ZP3: variants seen among roughly 807,000 people sequenced by gnomAD.
The protein encoded by ZP3 is zona pellucida sperm-binding protein 3.
Under a neutral mutation model 35.6 loss-of-function variants are expected in ZP3, and 21 were observed. The ratio of observed to expected loss-of-function variants is 0.59; its 90% confidence interval spans 0.42 to 0.85. The LOEUF is 0.85. ZP3 is among the 40% of genes least tolerant of loss of function. The pLI is 0.00. For synonymous variants in ZP3, 207 were observed against 214.5 expected (o/e 0.96, Z 0.31); for missense variants, 437 against 536.5 (o/e 0.81, Z 1.83).
exon 1 of ZP3, chr7:76,397,690 G>T (rs776622196): frequency 6.8e-6 from 11 of 1,613,270 alleles, no homozygotes; most frequent in Admixed American, 6.7e-5. Flanking sequence ...TGGCCGCCCC[G>T]CAGCCCAGCT....
chr7:76,416,064 A>T (rs569415327), intron 1 of ZP3, among the ~76,000 whole-genome samples: 3 of 151,998 alleles, frequency 2.0e-5, no homozygotes, highest in East Asian at 2.0e-4. Context: ...TGGGAGGCAG[A>T]TGTTGCAGTG....
intron 5 of ZP3, among the ~76,000 whole-genome samples, chr7:76,435,303 C>T (rs1214783013): frequency 6.6e-6 from 1 of 152,258 alleles, no homozygotes; most frequent in Admixed American, 6.5e-5. Context: ...CAGGTACCCG[C>T]CACCATGCCT....
At chr7:76,432,262 C>T (rs1225579911) in intron 2 of ZP3, among the ~76,000 whole-genome samples, 1 of 151,726 alleles carries the variant, frequency 6.6e-6, no homozygotes, top group Non-Finnish European at 1.5e-5. Context: ...GATCTCAGCT[C>T]ACTGCAAACT....
At chr7:76,439,378 C>CTGGG (rs1806128379) in intron 5 of ZP3, among the ~76,000 whole-genome samples, 1 of 152,150 alleles carries the variant, frequency 6.6e-6, no homozygotes, top group African/African-American at 2.4e-5. Flanking sequence ...CCTCGGTCAC[C>CTGGG]TGGGGATGGG....
At chr7:76,427,499 G>C (rs967309453) in intron 1 of ZP3, among the ~76,000 whole-genome samples, 14 of 134,820 alleles carry the variant, frequency 1.0e-4, no homozygotes, top group Non-Finnish European at 3.1e-5. Flanking sequence ...CTGGGCAACA[G>C]AGTGAGACTC....
At chr7:76,399,268 T>C (rs56405730) in intron 1 of ZP3, among the ~76,000 whole-genome samples, 28,008 of 151,928 alleles carry the variant, frequency 0.18, 2,758 homozygotes, top group South Asian at 0.25. Flanking sequence ...CTGCCTCGGC[T>C]TCCCAAAGTG....
intron 7 of ZP3, 88 bp downstream of exon 7, chr7:76,440,699 C>A (rs1330053112): frequency 1.3e-6 from 2 of 1,533,956 alleles, no homozygotes; most frequent in African/African-American, 2.8e-5. Context: ...GGTATTTTCC[C>A]TTGTCCTCCA....
intron 5 of ZP3, among the ~76,000 whole-genome samples, chr7:76,435,648 G>A (rs1805973197): frequency 6.6e-6 from 1 of 152,148 alleles, no homozygotes; most frequent in African/African-American, 2.4e-5. Flanking sequence ...GTCACATTTT[G>A]TAACATTAAC....
chr7:76,410,994 C>CAAA (rs1365590792), intron 1 of ZP3, among the ~76,000 whole-genome samples: 1 of 61,064 alleles, frequency 1.6e-5, no homozygotes, highest in African/African-American at 6.2e-5. Context: ...GACTCCATCT[C>CAAA]AAAAGAAAAA....
At chr7:76,403,081 C>T (rs1804881266) in intron 1 of ZP3, among the ~76,000 whole-genome samples, 2 of 152,142 alleles carry the variant, frequency 1.3e-5, no homozygotes, top group Non-Finnish European at 1.5e-5. Flanking sequence ...TTACTCAGGG[C>T]CACGTAGCAA....
At chr7:76,435,966 C>T (rs1805986843) in intron 5 of ZP3, among the ~76,000 whole-genome samples, 1 of 150,462 alleles carries the variant, frequency 6.6e-6, no homozygotes, top group South Asian at 2.1e-4. Flanking sequence ...CCTCATTATC[C>T]AACCGCCTCA....
chr7:76,426,907 C>CACACACAA (rs57796274), intron 1 of ZP3, among the ~76,000 whole-genome samples: 1,635 of 126,788 alleles, frequency 0.013, 43 homozygotes, highest in South Asian at 0.051. Context: ...CACACACACA[C>CACACACAA]AATAGGGTGT....
chr7:76,411,482 T>A (rs1246531340), intron 1 of ZP3, among the ~76,000 whole-genome samples: 3 of 151,938 alleles, frequency 2.0e-5, no homozygotes, highest in Non-Finnish European at 4.4e-5. Flanking sequence ...GGTGGGAGGA[T>A]GACTTGAGCC....
upstream of ZP3, chr7:76,424,773 G>A (rs77397105): frequency 0.023 from 12,722 of 560,362 alleles, 232 homozygotes; most frequent in East Asian, 0.06. Flanking sequence ...CTGGGGTGAA[G>A]GCTGAGAGTT....
At chr7:76,441,375 CTT>C (rs918451482) in intron 7 of ZP3, among the ~76,000 whole-genome samples, 17 of 150,774 alleles carry the variant, frequency 1.1e-4, no homozygotes, top group Admixed American at 1.0e-3. Flanking sequence ...AGAAAGCTGT[CTT>C]TTTCTTTTTT....
At chr7:76,414,945 T>A (rs1432833316) in intron 1 of ZP3, among the ~76,000 whole-genome samples, 1 of 145,626 alleles carries the variant, frequency 6.9e-6, no homozygotes, top group Admixed American at 7.1e-5. Context: ...ACATTAATAT[T>A]AACCAAACTA....
chr7:76,425,892 G>T (rs1387951224), intron 1 of ZP3, among the ~76,000 whole-genome samples: 1 of 152,014 alleles, frequency 6.6e-6, no homozygotes, highest in Admixed American at 6.6e-5. Context: ...AGACCAGCCT[G>T]GCCAACATGG....
chr7:76,402,375 T>A (rs1189067838), intron 1 of ZP3, among the ~76,000 whole-genome samples: 2 of 151,998 alleles, frequency 1.3e-5, no homozygotes, highest in East Asian at 3.9e-4. Flanking sequence ...AGAAATGGGG[T>A]CTCACCATGT....
chr7:76,404,170 A>G (rs1804923402), intron 1 of ZP3: 1 of 1,293,920 alleles, frequency 7.7e-7, no homozygotes, highest in South Asian at 1.7e-5. Context: ...TCTTTTGTCA[A>G]CTCTGGGCAA....
Sources: gnomAD v4.1 joint callset for allele counts (sites outside exome capture counted in the v4.1 genomes callset) on GRCh38, gnomAD v4.1.1 for gene constraint, MANE v1.5 for transcripts, NCBI Gene and HGNC (gene_info 2026-07-23, HGNC 2026-07-21) for gene names.